AKAP13: variants seen among roughly 807,000 people sequenced by gnomAD.
AKAP13 encodes A-kinase anchor protein 13.
A neutral mutation model predicts 264.5 loss-of-function variants in AKAP13; 80 were observed. The ratio of observed to expected loss-of-function variants is 0.30; its 90% CI spans 0.25 to 0.36. The LOEUF (loss-of-function observed/expected upper bound fraction) is 0.36, where lower values mean the gene tolerates loss of function less well. Ranked by LOEUF, AKAP13 falls within the 10% of genes least tolerant of loss-of-function variation. AKAP13 has a pLI of 1.00. For synonymous variants in AKAP13, 1,380 were observed against 1,250.2 expected, an observed-to-expected ratio of 1.10 and a Z score of -2.19; for missense variants, 3,712 against 3,435.2, an observed-to-expected ratio of 1.08 and a Z score of -2.01.
At chr15:85,407,593 G>A (rs1281276913) in intron 1 of AKAP13, among the ~76,000 whole-genome samples, 1 of 151,612 alleles carries the variant, frequency 6.6e-6, no homozygotes, top group South Asian at 2.1e-4. Flanking sequence ...GTTGAGGAGA[G>A]AAAGAATGGA....
intron 1 of AKAP13, among the ~76,000 whole-genome samples, chr15:85,470,940 T>G (rs916045310): frequency 5.3e-5 from 8 of 152,228 alleles, no homozygotes; most frequent in Admixed American, 5.2e-4. Context: ...ATCCTTATTA[T>G]CTATTCACTT....
At chr15:85,392,965 C>T (rs1053611723) in intron 1 of AKAP13, among the ~76,000 whole-genome samples, 1 of 152,150 alleles carries the variant, frequency 6.6e-6, no homozygotes, top group African/African-American at 2.4e-5. Context: ...GTGGATATGA[C>T]AGGGGCTTTT....
chr15:85,462,705 TAG>T (rs927190385), intron 1 of AKAP13, among the ~76,000 whole-genome samples: 5 of 152,064 alleles, frequency 3.3e-5, no homozygotes, highest in African/African-American at 1.2e-4. Context: ...GGCAGAGAAA[TAG>T]AAACTGTAAA....
chr15:85,556,671 T>G (rs1243790423), intron 5 of AKAP13, among the ~76,000 whole-genome samples: 1 of 152,228 alleles, frequency 6.6e-6, no homozygotes, highest in African/African-American at 2.4e-5. Flanking sequence ...CATAGCTCTG[T>G]CTGCACAGCT....
chr15:85,586,872 G>A (rs1191821642), intron 8 of AKAP13, among the ~76,000 whole-genome samples: 1 of 151,018 alleles, frequency 6.6e-6, no homozygotes, highest in African/African-American at 2.4e-5. Context: ...AGGATGCAGT[G>A]AGCCAAGATT....
rs115246505 is a variant in AKAP13 at position 85,741,513 on chromosome 15, C to T, written c.8058+18C>T. On this transcript the variant is annotated intron_variant, in intron 35 of 36. Transcript: ENST00000394518. ...TGTGTCAGGTAATGGGACTCCCTGC[C>T]GAGAGCAACCTAATGATGATATTAA... The T allele has an allele frequency of 3.8e-5, 59 of 1,556,660 alleles. No homozygotes were observed. The highest frequency in any genetic ancestry group is 2.7e-4 in the East Asian group (12 of 44,050).
chr15:85,481,958 TCTA>T (rs768625469), intron 1 of AKAP13, among the ~76,000 whole-genome samples: 4 of 152,350 alleles, frequency 2.6e-5, no homozygotes, highest in Non-Finnish European at 5.9e-5. Context: ...GGTAAAAAAA[TCTA>T]CTGACAAAGC....
intron 10 of AKAP13, among the ~76,000 whole-genome samples, chr15:85,650,982 G>A (rs2151506479): frequency 6.6e-6 from 1 of 151,920 alleles, no homozygotes; most frequent in East Asian, 1.9e-4. Context: ...AGTGCCTTGT[G>A]TATCATTACA....
In AKAP13 at chr15:85,544,006, C is replaced by G. The variant is rs951864701; in HGVS notation, c.662+51C>G. The G allele has an allele frequency of 3.7e-6, 6 of 1,600,372 alleles. No individual in the cohort carries two copies. In the East Asian group the frequency reaches 6.7e-5, roughly 18 times the overall value. On this transcript the variant is annotated intron_variant, in intron 5 of 36. Transcript: ENST00000394518. ...CCTCCTCTCATCCCCAGCCCCACCC[C>G]CGATTCATAGGAGTACCACCCACTT...
intron 18 of AKAP13, among the ~76,000 whole-genome samples, chr15:85,709,070 T>C (rs929275477): frequency 4.6e-5 from 7 of 152,164 alleles, no homozygotes; most frequent in African/African-American, 7.2e-5. Context: ...TGGACACATA[T>C]TTTGTTTGGC....
At chr15:85,515,923 C>T (rs2076583745) in intron 2 of AKAP13, among the ~76,000 whole-genome samples, 1 of 88,354 alleles carries the variant, frequency 1.1e-5, no homozygotes, top group Non-Finnish European at 2.3e-5. Flanking sequence ...CTTAAGTGAG[C>T]ATTTCTCCAA....
rs1001321939 is a variant in AKAP13 at position 85,744,937 on chromosome 15, C to T, written c.*260C>T. On this transcript the variant is annotated 3_prime_UTR_variant, in exon 37 of 37. Coordinates refer to ENST00000394518, the MANE Select transcript of AKAP13 (RefSeq NM_007200.5). ...TGGGCTGGCCCTACTCAGGATTACA[C>T]TGAAAGTAATGGCCTCGTAAGTACA... 1 of 396,970 alleles carries T rather than the reference C, an allele frequency of 2.5e-6. No individual in the cohort carries two copies. The highest frequency in any genetic ancestry group is 4.5e-6 in the Non-Finnish European group (1 of 222,600). 24.6% of individuals were successfully genotyped at this position (396,970 alleles called of 1,614,324 possible).
At chr15:85,460,958 T>TG (rs1286911903) in intron 1 of AKAP13, among the ~76,000 whole-genome samples, 5 of 151,880 alleles carry the variant, frequency 3.3e-5, no homozygotes, top group South Asian at 4.2e-4. Context: ...AGTTTTTTTT[T>TG]TTGTTATTTT....
Position 85,745,047 on chromosome 15 carries a change from T to A in AKAP13, c.*370T>A, listed in dbSNP as rs3743325. ...GTCTGAACCTCCGAATGCCTTTTAT[T>A]TGGGGGAACACAAAACCAAACAGCA... On this transcript the variant is annotated 3_prime_UTR_variant, in exon 37 of 37. Transcript: ENST00000394518. The A allele has an allele frequency of 1.1e-5, 2 of 178,836 alleles. No individual in the cohort carries two copies. The highest frequency in any genetic ancestry group is 3.2e-4 in the East Asian group (2 of 6,322). 11.1% of individuals were successfully genotyped at this position (178,836 alleles called of 1,614,324 possible).
At chr15:85,641,886 G>A (rs749604601) in intron 9 of AKAP13, among the ~76,000 whole-genome samples, 2 of 152,108 alleles carry the variant, frequency 1.3e-5, no homozygotes, top group Non-Finnish European at 2.9e-5. Flanking sequence ...AGAGCCCACC[G>A]GATTTCAGCA....
chr15:85,512,195 A>G (rs1450040028), intron 2 of AKAP13, among the ~76,000 whole-genome samples: 1 of 152,190 alleles, frequency 6.6e-6, no homozygotes, highest in Non-Finnish European at 1.5e-5. Context: ...TGAAGTTTCA[A>G]AAAGACAGTT....
intron 5 of AKAP13, among the ~76,000 whole-genome samples, chr15:85,572,816 C>T (rs1408508819): frequency 6.6e-6 from 1 of 152,206 alleles, no homozygotes; most frequent in Non-Finnish European, 1.5e-5. Flanking sequence ...CTCTCCCTCC[C>T]CTAGCCCCCA....
chr15:85,645,773 TTG>T, intron 9 of AKAP13, 43 bp from the exon 10 acceptor site: 2 of 1,358,448 alleles, frequency 1.5e-6, no homozygotes, highest in Non-Finnish European at 2.0e-6. Flanking sequence ...TTTGGTTTTT[TTG>T]TTTTTTTTTT....
At chr15:85,644,811 A>G (rs1002263282) in intron 9 of AKAP13, among the ~76,000 whole-genome samples, 7 of 152,168 alleles carry the variant, frequency 4.6e-5, no homozygotes, top group Admixed American at 4.6e-4. Context: ...AGTTGCAAAA[A>G]CTTATTGAAG....
Sources: gnomAD v4.1 joint callset for allele counts (sites outside exome capture counted in the v4.1 genomes callset) on GRCh38, gnomAD v4.1.1 for gene constraint, MANE v1.5 for transcripts, NCBI Gene and HGNC (gene_info 2026-07-23, HGNC 2026-07-21) for gene names.